The following CMKLR1 variants were observed in gnomAD, a reference collection of about 807,000 sequenced individuals.
The protein encoded by CMKLR1 is chemerin-like receptor 1.
In CMKLR1, 6 loss-of-function variants were observed where a neutral mutation model predicts 8.2. The observed-to-expected ratio is 0.73, with a 90% CI of 0.40 to 1.44. The LOEUF (loss-of-function observed/expected upper bound fraction) is 1.44, where lower values mean the gene tolerates loss of function less well. Ranked by LOEUF, CMKLR1 falls within the 40% of genes most tolerant of loss-of-function variation. The pLI is 0.02. For missense variants in CMKLR1, 429 were observed against 478.0 expected (o/e 0.90, Z 0.96); for synonymous variants, 178 against 181.2 (o/e 0.98, Z 0.14).
intron 2 of CMKLR1, among the ~76,000 whole-genome samples, chr12:108,303,762 G>T (rs756272843): frequency 2.6e-4 from 39 of 152,124 alleles, no homozygotes; most frequent in Non-Finnish European, 4.7e-4. Flanking sequence ...CAGGGCTCCG[G>T]GTCCCCTGCA....
chr12:108,322,193 C>A (rs975459290), intron 2 of CMKLR1, among the ~76,000 whole-genome samples: 2 of 152,144 alleles, frequency 1.3e-5, no homozygotes, highest in African/African-American at 4.8e-5. Flanking sequence ...AATTCTGAGT[C>A]CCGGATCCCT....
chr12:108,314,163 G>T (rs1159466251), intron 2 of CMKLR1, among the ~76,000 whole-genome samples: 1 of 152,156 alleles, frequency 6.6e-6, no homozygotes, highest in Non-Finnish European at 1.5e-5. Flanking sequence ...CTTATACAGG[G>T]AACATAAATT....
At chr12:108,337,468 A>G (rs1393180094) in intron 1 of CMKLR1, among the ~76,000 whole-genome samples, 1 of 152,180 alleles carries the variant, frequency 6.6e-6, no homozygotes, top group Non-Finnish European at 1.5e-5. Context: ...GCAGAAAAAA[A>G]GTAATATCCC....
intron 2 of CMKLR1, among the ~76,000 whole-genome samples, chr12:108,306,286 T>A (rs1019201393): frequency 3.3e-5 from 5 of 152,190 alleles, no homozygotes; most frequent in African/African-American, 1.2e-4. Context: ...CCCCTCAGTC[T>A]AGGAACAGTG....
rs768584661 is a variant in CMKLR1, at chr12:108,292,740, T to C, written c.223A>G (p.Met75Val). 1.3e-4 allele frequency: 213 copies of C among 1,614,028 alleles called. No individual in the cohort carries two copies. Among genetic ancestry groups the C allele is most frequent in the Non-Finnish European group, 1.6e-4 (189 of 1,180,024 alleles). ...ACTGCCAGGTTGAGGAACCAGACCA[T>C]GTTCACTGTCTTCTTCATCTTGAAG... ...ATFKMKKTVN[M>V]VWFLNLAVAD... Residue 75 changes from methionine (M) to valine (V), a missense_variant, in exon 4 of 4, where the codon ATG (methionine) becomes GTG (valine). By Grantham distance (21) the Met-to-Val change is conservative (BLOSUM62 1). Transcript: ENST00000550402.
intron 2 of CMKLR1, among the ~76,000 whole-genome samples, chr12:108,299,944 C>G (rs1405834700): frequency 6.6e-6 from 1 of 152,224 alleles, no homozygotes; most frequent in South Asian, 2.1e-4. Flanking sequence ...CTGGCTCCTA[C>G]AGCGTCCTGC....
intron 2 of CMKLR1, among the ~76,000 whole-genome samples, chr12:108,328,150 T>C (rs1472512451): frequency 6.6e-6 from 1 of 152,150 alleles, no homozygotes; most frequent in African/African-American, 2.4e-5. Flanking sequence ...CAGGGCCAGC[T>C]TCCCCCGGGA....
At chr12:108,325,187 A>T (rs1374795654) in intron 2 of CMKLR1, among the ~76,000 whole-genome samples, 1 of 152,104 alleles carries the variant, frequency 6.6e-6, no homozygotes, top group African/African-American at 2.4e-5. Flanking sequence ...TCCAGACACC[A>T]CACCCCTCGG....
intron 2 of CMKLR1, among the ~76,000 whole-genome samples, chr12:108,306,742 C>A (rs1256890021): frequency 6.6e-6 from 1 of 152,190 alleles, no homozygotes; most frequent in Non-Finnish European, 1.5e-5. Flanking sequence ...CTAGACCCTG[C>A]CTACCTGAGG....
At chr12:108,296,043 G>C (rs767061178) in intron 2 of CMKLR1, among the ~76,000 whole-genome samples, 1 of 152,104 alleles carries the variant, frequency 6.6e-6, no homozygotes, top group South Asian at 2.1e-4. Flanking sequence ...ACCCCAAGAC[G>C]CCTCTCTCTC....
intron 2 of CMKLR1, among the ~76,000 whole-genome samples, chr12:108,293,980 T>G (rs974896799): frequency 1.3e-5 from 2 of 152,158 alleles, no homozygotes; most frequent in Admixed American, 6.5e-5. Context: ...AGGAGGTACA[T>G]GGATGGCTCA....
intron 2 of CMKLR1, among the ~76,000 whole-genome samples, chr12:108,318,560 T>C (rs1424912513): frequency 6.6e-6 from 1 of 152,182 alleles, no homozygotes; most frequent in Non-Finnish European, 1.5e-5. Context: ...TCTGTGGATA[T>C]ATGACAGTAT....
rs1890934897 is a variant in CMKLR1 at position 108,290,515 on chromosome 12, A to G, written c.*1326T>C. ...ATCTCCACAGATAAATTCCAAATAG[A>G]AGAACAGAGTTTCTGGAGCCAGACG... On this transcript the variant is annotated 3_prime_UTR_variant, in exon 4 of 4. Coordinates refer to ENST00000550402, the MANE Select transcript of CMKLR1 (RefSeq NM_001142343.2). 1 of 152,250 alleles carries G rather than the reference A, an allele frequency of 6.6e-6. No homozygotes were observed. Among genetic ancestry groups the G allele is most frequent in the African/African-American group, 2.4e-5 (1 of 41,462 alleles). The allele number at this position is 152,250 out of a possible 1,614,324, so 9.4% of individuals were successfully genotyped here. A position where few individuals can be genotyped will look rare whatever the true frequency, so the allele number is the denominator to read the frequency against.
At chr12:108,337,770 C>T (rs1338653705) in intron 1 of CMKLR1, among the ~76,000 whole-genome samples, 1 of 152,170 alleles carries the variant, frequency 6.6e-6, no homozygotes, top group Non-Finnish European at 1.5e-5. Flanking sequence ...GTGTATGACA[C>T]ATCATCATTT....
chr12:108,316,173 A>G (rs1399819), intron 2 of CMKLR1, among the ~76,000 whole-genome samples: 90,482 of 152,080 alleles, frequency 0.59, 28,474 homozygotes, highest in East Asian at 0.88. Flanking sequence ...TAAACAAAGC[A>G]CAGGCCTTCT....
At chr12:108,301,164 C>T (rs919570779) in intron 2 of CMKLR1, among the ~76,000 whole-genome samples, 2 of 150,224 alleles carry the variant, frequency 1.3e-5, no homozygotes, top group African/African-American at 4.9e-5. Flanking sequence ...CAGCCTCTGC[C>T]TCTCGGGTTC....
intron 2 of CMKLR1, among the ~76,000 whole-genome samples, chr12:108,318,210 C>A (rs1891778936): frequency 6.6e-6 from 1 of 152,202 alleles, no homozygotes; most frequent in African/African-American, 2.4e-5. Context: ...CAATTAACTA[C>A]ATATGTGTAT....
chr12:108,296,823 C>CAA (rs372405165), intron 2 of CMKLR1, among the ~76,000 whole-genome samples: 1 of 136,038 alleles, frequency 7.4e-6, no homozygotes. Flanking sequence ...AGACTGTCTT[C>CAA]AAAAAAAAAA....
At chr12:108,301,893 A>G (rs1435269087) in intron 2 of CMKLR1, among the ~76,000 whole-genome samples, 2 of 152,190 alleles carry the variant, frequency 1.3e-5, no homozygotes, top group Non-Finnish European at 2.9e-5. Context: ...TCCCACCATT[A>G]TAATGGGCTA....
Sources: gnomAD v4.1 joint callset for allele counts (sites outside exome capture counted in the v4.1 genomes callset) on GRCh38, gnomAD v4.1.1 for gene constraint, MANE v1.5 for transcripts, NCBI Gene and HGNC (gene_info 2026-07-23, HGNC 2026-07-21) for gene names.